The following DHRSX variants were observed in gnomAD, a reference collection of about 807,000 sequenced individuals.
The protein encoded by DHRSX is polyprenol dehydrogenase.
A neutral mutation model predicts 34.0 loss-of-function variants in DHRSX; 31 were observed. The ratio of observed to expected loss-of-function variants is 0.91; its 90% CI spans 0.69 to 1.23. The LOEUF (loss-of-function observed/expected upper bound fraction) is 1.23, where lower values mean the gene tolerates loss of function less well. Ranked by LOEUF, DHRSX falls within the 50% of genes most tolerant of loss-of-function variation. DHRSX has a pLI of 0.00. For synonymous variants in DHRSX, 201 were observed against 183.8 expected (o/e 1.09, Z -0.76); for missense variants, 414 against 428.1 (o/e 0.97, Z 0.29).
chrX:2,359,294 T>C (rs1301902174), intron 3 of DHRSX, among the ~76,000 whole-genome samples: 2 of 152,202 alleles, frequency 1.3e-5, no homozygotes, highest in Non-Finnish European at 2.9e-5. Context: ...TAAAGACACA[T>C]GCACGTGTAT....
In DHRSX at chrX:2,475,689, T is replaced by C. The variant is rs188213617; in HGVS notation, c.109+25128A>G. 2.6e-3 allele frequency among the ~76,000 whole-genome samples: 363 copies of C among 141,400 alleles called. 5 individuals are homozygous for C. Among genetic ancestry groups the C allele is most frequent in the African/African-American group, 8.3e-3 (311 of 37,308 alleles). 92.8% of individuals were successfully genotyped at this position (141,400 alleles called of 152,430 possible). A position where few individuals can be genotyped will look rare whatever the true frequency, so the allele number is the denominator to read the frequency against. On this transcript the variant is annotated intron_variant, in intron 1 of 6. Coordinates refer to ENST00000334651, the MANE Select transcript of DHRSX (RefSeq NM_145177.3). ...CTGAACACGTTCCCTAAGAATGTGG[T>C]TAAGGGACCGCCGCCATGTACACAC...
intron 3 of DHRSX, among the ~76,000 whole-genome samples, chrX:2,349,187 C>A (rs73630287): frequency 0.012 from 1,762 of 152,182 alleles, 26 homozygotes; most frequent in African/African-American, 0.035. Flanking sequence ...CTATGAGAGA[C>A]ATTTGCACCC....
intron 3 of DHRSX, among the ~76,000 whole-genome samples, chrX:2,323,373 T>C (rs1295889992): frequency 6.6e-6 from 1 of 152,026 alleles, no homozygotes; most frequent in African/African-American, 2.4e-5. Flanking sequence ...GTGGACATAC[T>C]CTCCATCTGT....
intron 3 of DHRSX, among the ~76,000 whole-genome samples, chrX:2,371,404 A>ATTACCATAGACCCTCCTCCG (rs752416128): frequency 2.8e-5 from 4 of 142,592 alleles, no homozygotes; most frequent in Middle Eastern, 3.5e-3. Flanking sequence ...CCCTTCTCAC[A>ATTACCATAGACCCTCCTCCG]TTACCATAGT....
chrX:2,240,128 A>T (rs1451796150), intron 6 of DHRSX, among the ~76,000 whole-genome samples: 1 of 151,986 alleles, frequency 6.6e-6, no homozygotes, highest in Non-Finnish European at 1.5e-5. Context: ...CCCCGTCCCT[A>T]CTAAAAACAC....
chrX:2,414,703 A>G (rs2124641736), intron 2 of DHRSX, among the ~76,000 whole-genome samples: 1 of 152,090 alleles, frequency 6.6e-6, no homozygotes, highest in South Asian at 2.1e-4. Flanking sequence ...GAGCAACACA[A>G]CTAGACTGCA....
intron 4 of DHRSX, among the ~76,000 whole-genome samples, chrX:2,272,037 C>T (rs774927307): frequency 2.0e-5 from 3 of 151,612 alleles, no homozygotes; most frequent in Non-Finnish European, 4.4e-5. Flanking sequence ...TGAGACAAAA[C>T]GAAACAAAAA....
At chrX:2,371,587 TCCC>T (rs2043070573) in intron 3 of DHRSX, among the ~76,000 whole-genome samples, 2 of 150,320 alleles carry the variant, frequency 1.3e-5, no homozygotes, top group Non-Finnish European at 3.0e-5. Flanking sequence ...TAGTACCTCC[TCCC>T]ATTAGCAGAG....
chrX:2,374,433 A>G (rs766570109), intron 3 of DHRSX, among the ~76,000 whole-genome samples: 1 of 150,668 alleles, frequency 6.6e-6, no homozygotes, highest in Non-Finnish European at 1.5e-5. Context: ...ACCCCATCCA[A>G]AAAATAAAAA....
intron 1 of DHRSX, among the ~76,000 whole-genome samples, chrX:2,459,575 TATATAC>T (rs1019186657): frequency 2.1e-4 from 24 of 114,462 alleles, no homozygotes; most frequent in Middle Eastern, 4.5e-3. Flanking sequence ...TATATATATA[TATATAC>T]ACACACATAC....
intron 1 of DHRSX, among the ~76,000 whole-genome samples, chrX:2,470,390 T>G (rs949977683): frequency 1.3e-5 from 2 of 149,994 alleles, no homozygotes; most frequent in African/African-American, 4.9e-5. Context: ...AATGAAACCC[T>G]ATCTCTAAAC....
At chrX:2,462,367 A>C (rs1265773123) in intron 1 of DHRSX, among the ~76,000 whole-genome samples, 2 of 152,148 alleles carry the variant, frequency 1.3e-5, no homozygotes, top group African/African-American at 4.8e-5. Context: ...AAAAAAAGGC[A>C]AAAGAGCAAT....
chrX:2,414,183 C>A (rs1475731927), intron 2 of DHRSX, among the ~76,000 whole-genome samples: 1 of 151,790 alleles, frequency 6.6e-6, no homozygotes, highest in Non-Finnish European at 1.5e-5. Context: ...ACCAACCCAA[C>A]TACCTCATCG....
intron 3 of DHRSX, among the ~76,000 whole-genome samples, chrX:2,331,056 C>T (rs1398855344): frequency 2.6e-5 from 4 of 152,090 alleles, no homozygotes; most frequent in Non-Finnish European, 5.9e-5. Flanking sequence ...AGCCCAGACT[C>T]CCACACTTGG....
At chrX:2,356,646 C>A (rs1361680099) in intron 3 of DHRSX, among the ~76,000 whole-genome samples, 1 of 152,128 alleles carries the variant, frequency 6.6e-6, no homozygotes. Flanking sequence ...GCCTCTGCCA[C>A]CCCTGAGAAA....
chrX:2,243,785 CCTGTTTTT>C lies in DHRSX; in HGVS notation c.597-563_597-556del, dbSNP rs2016201219. 3.2e-4 allele frequency among the ~76,000 whole-genome samples: 23 copies of C among 71,536 alleles called. 2 individuals carry two copies. Among genetic ancestry groups the C allele is most frequent in the African/African-American group, 8.5e-4 (19 of 22,470 alleles). The allele number at this position is 71,536 out of a possible 152,430, so 46.9% of individuals were successfully genotyped here. A position where few individuals can be genotyped will look rare whatever the true frequency, so the allele number is the denominator to read the frequency against. On this transcript the variant is annotated intron_variant, in intron 5 of 6. Coordinates refer to ENST00000334651, the MANE Select transcript of DHRSX (RefSeq NM_145177.3). ...ATTACAGGCAGGAGCCACTATGCTCCCTGTTTTTTTTTTTTTTTTTTTTTTTTTTTTTT... is the reference window on the plus strand; with the variant it reads ...ATTACAGGCAGGAGCCACTATGCTCCTTTTTTTTTTTTTTTTTTTTTTTTT...
chrX:2,241,569 G>A (rs958453306), intron 6 of DHRSX, among the ~76,000 whole-genome samples: 1 of 152,062 alleles, frequency 6.6e-6, no homozygotes, highest in African/African-American at 2.4e-5. Flanking sequence ...ACCACTGTCT[G>A]TTCTGAGGGT....
chrX:2,250,175 A>C (rs1218555491), intron 5 of DHRSX, among the ~76,000 whole-genome samples: 1 of 151,372 alleles, frequency 6.6e-6, no homozygotes, highest in Non-Finnish European at 1.5e-5. Flanking sequence ...AAAAAAAAAA[A>C]AAAAAATTAA....
intron 1 of DHRSX, among the ~76,000 whole-genome samples, chrX:2,493,514 G>A (rs2045210636): frequency 6.6e-6 from 1 of 151,520 alleles, no homozygotes; most frequent in African/African-American, 2.4e-5. Flanking sequence ...TCTGGAACCT[G>A]AAGGAAAGGT....
Sources: allele counts gnomAD v4.1 joint callset (sites outside exome capture counted in the v4.1 genomes callset), GRCh38; gene constraint gnomAD v4.1.1; transcripts MANE v1.5; gene names NCBI Gene and HGNC (gene_info 2026-07-23, HGNC 2026-07-21).